The following PRKCE variants were observed in gnomAD, a reference collection of about 807,000 sequenced individuals.
PRKCE encodes protein kinase C epsilon.
Under a neutral mutation model 85.4 loss-of-function variants are expected in PRKCE, and 16 were observed. That is an observed-to-expected ratio of 0.19 (90% CI 0.13 to 0.28). The LOEUF (loss-of-function observed/expected upper bound fraction) is 0.28, where lower values mean the gene tolerates loss of function less well. Ranked by LOEUF, PRKCE falls within the 10% of genes least tolerant of loss-of-function variation. The pLI, the probability that PRKCE is intolerant of heterozygous loss-of-function variation, is 1.00. For synonymous variants in PRKCE, 388 were observed against 371.5 expected (o/e 1.04, Z -0.51); for missense variants, 573 against 975.2 (o/e 0.59, Z 5.49).
At chr2:46,095,456 G>A (rs1254256356) in intron 11 of PRKCE, among the ~76,000 whole-genome samples, 3 of 152,140 alleles carry the variant, frequency 2.0e-5, no homozygotes, top group African/African-American at 7.2e-5. Flanking sequence ...AAACCTCTAG[G>A]GACAGGGAAG....
At chr2:45,700,981 G>A (rs1649998503) in intron 1 of PRKCE, among the ~76,000 whole-genome samples, 1 of 152,164 alleles carries the variant, frequency 6.6e-6, no homozygotes, top group Non-Finnish European at 1.5e-5. Flanking sequence ...AGGGAGTGTG[G>A]CCTTGCTAAC....
intron 6 of PRKCE, among the ~76,000 whole-genome samples, chr2:45,989,021 C>G (rs892941009): frequency 3.3e-5 from 5 of 152,170 alleles, no homozygotes; most frequent in African/African-American, 9.6e-5. Flanking sequence ...CCCGTCCCAT[C>G]CCCCACACTC....
intron 2 of PRKCE, among the ~76,000 whole-genome samples, chr2:45,846,389 C>T (rs1691791390): frequency 6.6e-6 from 1 of 152,174 alleles, no homozygotes; most frequent in Non-Finnish European, 1.5e-5. Context: ...CTTCCCATGC[C>T]TTGCACCTAG....
rs1161576481 is a variant in PRKCE at position 45,653,698 on chromosome 2, G to A, written c.348+1250G>A. On this transcript the variant is annotated intron_variant, in intron 1 of 14. Coordinates refer to ENST00000306156, the MANE Select transcript of PRKCE (RefSeq NM_005400.3). ...GAGTTTTAGGGAAAAATAAGAGAGAGCCTGTTGTTTTTGTGCTCATGGCTG... is the reference window on the plus strand; with the variant it reads ...GAGTTTTAGGGAAAAATAAGAGAGAACCTGTTGTTTTTGTGCTCATGGCTG... Among the ~76,000 whole-genome samples, 5 of 152,190 alleles carry A rather than the reference G, an allele frequency of 3.3e-5. No individual in the cohort carries two copies. The South Asian group carries it at 1.0e-3, about 32-fold the overall frequency.
rs1468124983 is a variant in PRKCE at position 45,695,719 on chromosome 2, T to A, written c.348+43271T>A. 3.3e-5 allele frequency among the ~76,000 whole-genome samples: 5 copies of A among 152,288 alleles called. No individual in the cohort carries two copies. The East Asian group carries it at 5.8e-4, about 18-fold the overall frequency. On this transcript the variant is annotated intron_variant, in intron 1 of 14. Transcript: ENST00000306156. ...CCCGGAGGCGGAGGTTGCAGTGAGC[T>A]GAGATCACGCCACTGAACTCCAGCC...
chr2:45,653,083 A>C (rs535196863), intron 1 of PRKCE, among the ~76,000 whole-genome samples: 10 of 152,326 alleles, frequency 6.6e-5, no homozygotes, highest in African/African-American at 2.4e-4. Context: ...TGCAGAATGA[A>C]TGTTGCATTT....
At position 46,184,798 on chromosome 2, in the gene PRKCE, C is replaced by T; in HGVS notation, c.2131C>T (p.Leu711Phe). 6.3e-7 allele frequency: 1 copy of T among 1,599,772 alleles called. No individual in the cohort carries two copies. The highest frequency in any genetic ancestry group is 1.7e-5 in the Admixed American group (1 of 60,024). Residue 711 changes from leucine (L) to phenylalanine (F), a missense_variant, in exon 15 of 15, where the codon CTT becomes TTT. Leu to Phe is a conservative substitution (Grantham distance 22, BLOSUM62 0). Around this residue, in one of 11 missense-constraint regions of PRKCE, gnomAD observed 45 missense variants for 39.1 expected, o/e 1.15. Coordinates refer to ENST00000306156, the MANE Select transcript of PRKCE (RefSeq NM_005400.3). The surrounding 1 kb of genome is among the most constrained non-coding windows in gnomAD (Gnocchi z 5.0). Reference protein sequence around the residue: ...DFTREEPVLTLVDEAIVKQIN... With the variant: ...DFTREEPVLTFVDEAIVKQIN... ...TACCCGGGAAGAGCCGGTACTCACC[C>T]TTGTGGACGAAGCAATTGTAAAGCA...
chr2:45,699,516 G>A (rs964324313), intron 1 of PRKCE, among the ~76,000 whole-genome samples: 12 of 152,150 alleles, frequency 7.9e-5, no homozygotes, highest in Admixed American at 2.0e-4. Context: ...CACAGAGCCC[G>A]TCTGTGTGGT....
rs139387446 is a variant in PRKCE, at chr2:46,133,139, C to G, written c.1593-11954C>G. Among the ~76,000 whole-genome samples, 3 of 152,310 alleles carry G rather than the reference C, an allele frequency of 2.0e-5. No individual in the cohort carries two copies. In the East Asian group the frequency reaches 5.8e-4, roughly 29 times the overall value. ...GCTTGAAGTGCGGTTTTCTGGCCTT[C>G]CTGTCCGGGAATTCTGGACCCGGTA... On this transcript the variant is annotated intron_variant, in intron 11 of 14. Coordinates refer to ENST00000306156, the MANE Select transcript of PRKCE (RefSeq NM_005400.3).
At chr2:45,850,768 G>T (rs1323291986) in intron 2 of PRKCE, among the ~76,000 whole-genome samples, 1 of 152,198 alleles carries the variant, frequency 6.6e-6, no homozygotes, top group African/African-American at 2.4e-5. Context: ...ATAGGGGCCA[G>T]TGTAGGGGTG....
intron 10 of PRKCE, among the ~76,000 whole-genome samples, chr2:46,060,238 A>C (rs1666972638): frequency 6.6e-6 from 1 of 152,176 alleles, no homozygotes; most frequent in East Asian, 1.9e-4. Flanking sequence ...ATGCATTTTC[A>C]GCCCCCCAAA....
At chr2:46,038,728 G>T (rs1212244027) in intron 10 of PRKCE, among the ~76,000 whole-genome samples, 1 of 149,170 alleles carries the variant, frequency 6.7e-6, no homozygotes, top group South Asian at 2.1e-4. Context: ...CCTTGCGAAT[G>T]ACCATCTTAT....
chr2:46,123,318 C>T (rs1185846797), intron 11 of PRKCE, among the ~76,000 whole-genome samples: 1 of 138,926 alleles, frequency 7.2e-6, no homozygotes, highest in African/African-American at 2.8e-5. Context: ...TTAAACTATT[C>T]CCTGCAATTG....
intron 2 of PRKCE, among the ~76,000 whole-genome samples, chr2:45,885,025 A>G (rs1191054053): frequency 1.8e-5 from 2 of 111,310 alleles, no homozygotes; most frequent in African/African-American, 6.4e-5. Flanking sequence ...TTGTTGTTTT[A>G]CCAAGAGCTC....
intron 10 of PRKCE, among the ~76,000 whole-genome samples, chr2:46,054,720 G>A (rs1021624093): frequency 2.0e-5 from 3 of 152,130 alleles, no homozygotes; most frequent in Non-Finnish European, 4.4e-5. Flanking sequence ...CTAATACCGT[G>A]GCCCAAAGTG....
rs1385619814 is a variant in PRKCE, at chr2:46,159,131, G to T, written c.1921-475G>T. 6.6e-6 allele frequency among the ~76,000 whole-genome samples: 1 copy of T among 152,140 alleles called. No individual in the cohort carries two copies. Among genetic ancestry groups the T allele is most frequent in the African/African-American group, 2.4e-5 (1 of 41,408 alleles). ...CATTAGTACATTTGATCATTTACCTGGTCCTTATTCCTTATCTCAAAAAGG... is the reference window on the plus strand; with the variant it reads ...CATTAGTACATTTGATCATTTACCTTGTCCTTATTCCTTATCTCAAAAAGG... On this transcript the variant is annotated intron_variant, in intron 13 of 14. Transcript: ENST00000306156. The surrounding 1 kb of genome is among the most constrained non-coding windows in gnomAD (Gnocchi z 4.1).
chr2:45,677,743 A>G (rs1676589624), intron 1 of PRKCE: 5 of 428,774 alleles, frequency 1.2e-5, no homozygotes, highest in Non-Finnish European at 1.6e-5. Flanking sequence ...TGGTAAAGAT[A>G]CTCTGGCTTG....
intron 1 of PRKCE, among the ~76,000 whole-genome samples, chr2:45,726,039 C>A (rs969196677): frequency 2.0e-5 from 3 of 152,100 alleles, no homozygotes; most frequent in African/African-American, 7.2e-5. Context: ...TGGAGCCTGG[C>A]GATGTGACTG....
chr2:46,009,969 G>T (rs1387662715), intron 9 of PRKCE, among the ~76,000 whole-genome samples: 1 of 152,238 alleles, frequency 6.6e-6, no homozygotes, highest in Admixed American at 6.5e-5. Flanking sequence ...CAACAGATGT[G>T]CATTGAACTT....
Sources: allele counts gnomAD v4.1 joint callset (sites outside exome capture counted in the v4.1 genomes callset), GRCh38; gene constraint gnomAD v4.1.1; regional missense constraint gnomAD v4.1.1; non-coding constraint Gnocchi (gnomAD v3.1); transcripts MANE v1.5; gene names NCBI Gene and HGNC (gene_info 2026-07-23, HGNC 2026-07-21).